NCOA3: variants seen among roughly 807,000 people sequenced by gnomAD.
The protein encoded by NCOA3 is CBP-interacting protein.
Under a neutral mutation model 158.8 loss-of-function variants are expected in NCOA3, and 51 were observed. That is an observed-to-expected ratio of 0.32 (90% CI 0.26 to 0.41). The LOEUF (loss-of-function observed/expected upper bound fraction) is 0.41, where lower values mean the gene tolerates loss of function less well. NCOA3 is among the 10% of genes least tolerant of loss of function. NCOA3 has a pLI of 1.00. For missense variants in NCOA3, 1,510 were observed against 1,746.6 expected, an observed-to-expected ratio of 0.86 and a Z score of 2.41; for synonymous variants, 537 against 592.4, an observed-to-expected ratio of 0.91 and a Z score of 1.36.
At chr20:47,609,377 G>A (rs1205125583) in intron 2 of NCOA3, among the ~76,000 whole-genome samples, 1 of 152,156 alleles carries the variant, frequency 6.6e-6, no homozygotes, top group Non-Finnish European at 1.5e-5. Context: ...TTTTACAGAA[G>A]TTCGTAATAA....
chr20:47,612,305 AC>A (rs1197172090), intron 2 of NCOA3, among the ~76,000 whole-genome samples: 2 of 152,216 alleles, frequency 1.3e-5, no homozygotes, highest in Non-Finnish European at 2.9e-5. Context: ...ACAAGTTTAC[AC>A]AATGGTTTAG....
intron 1 of NCOA3, among the ~76,000 whole-genome samples, chr20:47,514,260 G>A (rs1241166259): frequency 6.6e-6 from 1 of 150,764 alleles, no homozygotes; most frequent in African/African-American, 2.4e-5. Context: ...TAAAGTAGAG[G>A]CAGAGATGGA....
chr20:47,562,409 C>T (rs1381265880), intron 1 of NCOA3, among the ~76,000 whole-genome samples: 1 of 152,134 alleles, frequency 6.6e-6, no homozygotes, highest in East Asian at 1.9e-4. Context: ...TTGGTGTTGT[C>T]AGTGTTCTAG....
At chr20:47,522,425 G>A (rs1028491568) in intron 1 of NCOA3, among the ~76,000 whole-genome samples, 2 of 92,960 alleles carry the variant, frequency 2.2e-5, no homozygotes, top group South Asian at 7.0e-4. Context: ...TTTTTTTTTT[G>A]TGGTTTTAAG....
At position 47,568,533 on chromosome 20, in the gene NCOA3, G is replaced by A. The variant is rs1014152058; in HGVS notation, c.-98-14650G>A. Among the ~76,000 whole-genome samples the A allele has an allele frequency of 3.9e-5, 6 of 152,242 alleles. No homozygotes were observed. The South Asian group carries it at 1.2e-3, about 32-fold the overall frequency. On this transcript the variant is annotated intron_variant, in intron 1 of 22. Transcript: ENST00000371998. ...AAAATACTTTATTGTGGCCTGGTGG[G>A]TAGCTCCATCCCAGCACTTGGGGAA...
chr20:47,628,166 T>C lies in NCOA3; in HGVS notation c.823+143T>C, dbSNP rs72645253. The C allele has an allele frequency of 1.4e-3, 682 of 496,568 alleles. 4 individuals are homozygous for C. Among genetic ancestry groups the C allele is most frequent in the Middle Eastern group, 2.6e-3 (5 of 1,904 alleles). 30.8% of individuals were successfully genotyped at this position (496,568 alleles called of 1,614,324 possible). ...TAATGAGTGCTTTATGTGTATCTTT[T>C]TTCATGTTGCTTATGCAACCTTAAA... On this transcript the variant is annotated intron_variant, in intron 8 of 22. Transcript: ENST00000371998.
chr20:47,636,718 A>G lies in NCOA3; in HGVS notation c.2332A>G (p.Ser778Gly). ...CACCAGCTCCACCATTCCTAGCTCA[A>G]GTCAAGAGAAAGACCCTAAAATTAA... ...QCTSSTIPSS[S>G]QEKDPKIKTE... The change falls in exon 12 of 23, where the codon AGT becomes GGT. Residue 778 changes from serine to glycine, a missense_variant. Physicochemically the swap from Ser to Gly is moderately conservative, Grantham distance 56. Coordinates refer to ENST00000371998, the MANE Select transcript of NCOA3 (RefSeq NM_181659.3). 1 of 1,613,728 alleles carries G rather than the reference A, an allele frequency of 6.2e-7. No homozygotes were observed. The highest frequency in any genetic ancestry group is 8.5e-7 in the Non-Finnish European group (1 of 1,179,708).
chr20:47,624,874 G>A (rs1224053731), intron 4 of NCOA3, among the ~76,000 whole-genome samples: 2 of 152,184 alleles, frequency 1.3e-5, no homozygotes, highest in African/African-American at 4.8e-5. Context: ...TTGGGTTCAA[G>A]AGATTCTCCT....
At chr20:47,627,489 T>C in intron 6 of NCOA3, 72 bp from the exon 7 acceptor site, 1 of 1,225,116 alleles carries the variant, frequency 8.2e-7, no homozygotes, top group Non-Finnish European at 1.2e-6. Flanking sequence ...AAAATGCAGC[T>C]TGAATTCTTG....
chr20:47,619,111 C>A (rs2146292213), intron 2 of NCOA3, among the ~76,000 whole-genome samples: 1 of 152,174 alleles, frequency 6.6e-6, no homozygotes, highest in Middle Eastern at 3.4e-3. Context: ...AATATTTATT[C>A]AAGACATATA....
chr20:47,619,895 A>T (rs984535314), intron 2 of NCOA3, among the ~76,000 whole-genome samples: 1 of 151,878 alleles, frequency 6.6e-6, no homozygotes, highest in Non-Finnish European at 1.5e-5. Flanking sequence ...TTCCGGGTTC[A>T]TGCGATTCTC....
In NCOA3 at chr20:47,653,467, C is replaced by T. The variant is rs748096633; in HGVS notation, c.*50C>T. 3.8e-6 allele frequency: 6 copies of T among 1,585,824 alleles called. No homozygotes were observed. The Admixed American group carries it at 6.9e-5, about 18-fold the overall frequency. ...GGAAACCACTGTACAAATGACACTG[C>T]ACTAGGATTATTGGGAAGGAATCAT... On this transcript the variant is annotated 3_prime_UTR_variant, in exon 23 of 23. Coordinates refer to ENST00000371998, the MANE Select transcript of NCOA3 (RefSeq NM_181659.3).
At chr20:47,516,765 T>C (rs1389995155) in intron 1 of NCOA3, among the ~76,000 whole-genome samples, 1 of 150,802 alleles carries the variant, frequency 6.6e-6, no homozygotes, top group South Asian at 2.1e-4. Flanking sequence ...TACAAAAAAG[T>C]ACAAAAATAA....
intron 19 of NCOA3, among the ~76,000 whole-genome samples, 170 bp from the exon 20 acceptor site, chr20:47,650,812 G>A (rs1187740891): frequency 1.3e-5 from 2 of 151,904 alleles, no homozygotes; most frequent in Non-Finnish European, 2.9e-5. Flanking sequence ...GCTGTGAGGC[G>A]AGATTGTGCC....
At chr20:47,575,747 GTTAAAATTCAAC>G (rs562326445) in intron 1 of NCOA3, among the ~76,000 whole-genome samples, 136 of 152,282 alleles carry the variant, frequency 8.9e-4, no homozygotes, top group African/African-American at 3.2e-3. Context: ...CAATGAGTCT[GTTAAAATTCAAC>G]TACCTATTGT....
intron 1 of NCOA3, among the ~76,000 whole-genome samples, chr20:47,572,624 C>T (rs1352897612): frequency 6.6e-6 from 1 of 152,044 alleles, no homozygotes; most frequent in Non-Finnish European, 1.5e-5. Context: ...GCGACTTCCA[C>T]CTCCCGGGTT....
At chr20:47,555,241 ATTATC>A (rs2084984812) in intron 1 of NCOA3, among the ~76,000 whole-genome samples, 1 of 152,246 alleles carries the variant, frequency 6.6e-6, no homozygotes, top group South Asian at 2.1e-4. Flanking sequence ...AGCCAAGTAT[ATTATC>A]TGATGCTATA....
At chr20:47,523,577 G>A (rs992694033) in intron 1 of NCOA3, among the ~76,000 whole-genome samples, 6 of 152,170 alleles carry the variant, frequency 3.9e-5, no homozygotes, top group African/African-American at 1.4e-4. Context: ...ATTAAAGAGG[G>A]GTTGTAGCCA....
chr20:47,556,344 T>C (rs1227777584), intron 1 of NCOA3, among the ~76,000 whole-genome samples: 1 of 152,200 alleles, frequency 6.6e-6, no homozygotes, highest in Non-Finnish European at 1.5e-5. Context: ...ATTAGCAGTT[T>C]TTAAAATGTT....
Sources: gnomAD v4.1 joint callset for allele counts (sites outside exome capture counted in the v4.1 genomes callset) on GRCh38, gnomAD v4.1.1 for gene constraint, MANE v1.5 for transcripts, NCBI Gene and HGNC (gene_info 2026-07-23, HGNC 2026-07-21) for gene names.